Variants in POLE4 observed in about 807,000 individuals in gnomAD.
POLE4 encodes the protein DNA polymerase epsilon 4, accessory subunit.
Under a neutral mutation model 15.6 loss-of-function variants are expected in POLE4, and 15 were observed. The ratio of observed to expected loss-of-function variants is 0.96; its 90% CI spans 0.64 to 1.48. POLE4 has a LOEUF of 1.48. Among genes scored for constraint, POLE4 ranks in the 40% most tolerant of loss-of-function variants. The pLI, the probability that POLE4 is intolerant of heterozygous loss-of-function variation, is 0.00. For missense variants in POLE4, 205 were observed against 151.9 expected, an observed-to-expected ratio of 1.35 and a Z score of -1.84; for synonymous variants, 83 against 63.2, an observed-to-expected ratio of 1.31 and a Z score of -1.49.
rs1671194141 is a variant in POLE4 at position 74,960,147 on chromosome 2, G to A, written c.340+1G>A. The A allele has an allele frequency of 6.2e-7, 1 of 1,612,254 alleles. No homozygotes were observed. Among genetic ancestry groups the A allele is most frequent in the East Asian group, 2.2e-5 (1 of 44,862 alleles). On this transcript the variant is annotated splice_donor_variant, in intron 3 of 3. Transcript: ENST00000483063. LOFTEE classifies it high-confidence loss of function. ...GTGGATGAATTTGCTTTTCTGGAAGGTGAGTTCCCTCTCAGTGGGCAATCA... is the reference window on the plus strand; with the variant it reads ...GTGGATGAATTTGCTTTTCTGGAAGATGAGTTCCCTCTCAGTGGGCAATCA...
At position 74,969,530 on chromosome 2, in the gene POLE4, C is replaced by T; in HGVS notation, c.*108C>T. 3 of 959,252 alleles carry T rather than the reference C, an allele frequency of 3.1e-6. No individual in the cohort carries two copies. The highest frequency in any genetic ancestry group is 3.4e-5 in the Admixed American group (2 of 59,064). 59.4% of individuals were successfully genotyped at this position (959,252 alleles called of 1,614,324 possible). ...AGTCTTTGCACTTACACACACTCTT[C>T]CTGTTCTGCCTTCACCTATGCCGGG... On this transcript the variant is annotated 3_prime_UTR_variant, in exon 4 of 4. Coordinates refer to ENST00000483063, the MANE Select transcript of POLE4 (RefSeq NM_019896.4).
Position 74,958,869 on chromosome 2 carries a change from A to G in POLE4, c.190A>G (p.Ile64Val), listed in dbSNP as rs2103670274. The G allele has an allele frequency of 6.4e-7, 1 of 1,559,896 alleles. No homozygotes were observed. Among genetic ancestry groups the G allele is most frequent in the East Asian group, 2.4e-5 (1 of 41,388 alleles). Reference protein sequence around the residue: ...PDVTLAGQEAIFILARAAELF... With the variant: ...PDVTLAGQEAVFILARAAELF... Reference sequence around the variant, plus strand: ...CGTGACGCTAGCGGGACAGGAAGCCATCTTCATTCTGGCACGAGCCGCGGT... The same window carrying G: ...CGTGACGCTAGCGGGACAGGAAGCCGTCTTCATTCTGGCACGAGCCGCGGT... Residue 64 changes from isoleucine (I) to valine (V), a missense_variant, in exon 1 of 4, where the codon ATC becomes GTC. Transcript: ENST00000483063.
chr2:74,959,326 T>A lies in POLE4; in HGVS notation c.214-15T>A, dbSNP rs199858976. On this transcript the variant is annotated splice_polypyrimidine_tract_variant and intron_variant, in intron 1 of 3. Coordinates refer to ENST00000483063, the MANE Select transcript of POLE4 (RefSeq NM_019896.4). ...TTAGAACCCATTACTAAAACTTTGC[T>A]TTTTTACTTCACAGGAACTGTTTGT... 363 of 1,603,562 alleles carry A rather than the reference T, an allele frequency of 2.3e-4. No individual in the cohort carries two copies. The highest frequency in any genetic ancestry group is 1.8e-3 in the Middle Eastern group (11 of 6,026).
At chr2:74,961,624 A>G (rs1334615550) in intron 3 of POLE4, 1 of 152,360 alleles carries the variant, frequency 6.6e-6, no homozygotes, top group African/African-American at 2.4e-5. Context: ...GGTACTAGGA[A>G]TAGAAGTGGG....
At chr2:74,966,219 C>A (rs549908859) in intron 3 of POLE4, among the ~76,000 whole-genome samples, 1 of 152,250 alleles carries the variant, frequency 6.6e-6, no homozygotes, top group African/African-American at 2.4e-5. Context: ...TCATTCTCAA[C>A]AAATTGAGAT....
intron 3 of POLE4, among the ~76,000 whole-genome samples, chr2:74,962,089 G>A (rs1214089001): frequency 1.3e-5 from 2 of 152,018 alleles, no homozygotes; most frequent in African/African-American, 2.4e-5. Context: ...AGCTGTAGAC[G>A]GTATGTATTG....
intron 2 of POLE4, 82 bp from the exon 3 acceptor site, chr2:74,960,023 C>T: frequency 8.6e-7 from 1 of 1,160,012 alleles, no homozygotes. Context: ...AGCCTCATGC[C>T]CTTCACTGCA....
chr2:74,962,088 C>T (rs530060902), intron 3 of POLE4, among the ~76,000 whole-genome samples: 6 of 152,212 alleles, frequency 3.9e-5, no homozygotes, highest in East Asian at 3.9e-4. Context: ...CAGCTGTAGA[C>T]GGTATGTATT....
rs1671342881 is a variant in POLE4 at position 74,969,600 on chromosome 2, C to T, written c.*178C>T. Reference sequence around the variant, plus strand: ...ATTAGCTCTTCTCTGCAAGGTCTTCCACTATTTCTGTCTGTCTTCCATATC... The same window carrying T: ...ATTAGCTCTTCTCTGCAAGGTCTTCTACTATTTCTGTCTGTCTTCCATATC... On this transcript the variant is annotated 3_prime_UTR_variant, in exon 4 of 4. Transcript: ENST00000483063. 1.5e-6 allele frequency: 1 copy of T among 680,646 alleles called. No homozygotes were observed. The allele number at this position is 680,646 out of a possible 1,614,324, so 42.2% of individuals were successfully genotyped here. A position where few individuals can be genotyped will look rare whatever the true frequency, so the allele number is the denominator to read the frequency against.
At chr2:74,961,323 A>C (rs1237971304) in intron 3 of POLE4, 1 of 152,198 alleles carries the variant, frequency 6.6e-6, no homozygotes, top group Non-Finnish European at 1.5e-5. Context: ...TTAGATAGAT[A>C]GACTACCATG....
chr2:74,967,990 T>G (rs966122949), intron 3 of POLE4, among the ~76,000 whole-genome samples: 2 of 152,212 alleles, frequency 1.3e-5, no homozygotes, highest in Non-Finnish European at 2.9e-5. Flanking sequence ...TTGGGTAGAC[T>G]CAGGGATTTG....
chr2:74,959,210 A>G (rs2287102), intron 1 of POLE4, 131 bp from the exon 2 acceptor site: 181,449 of 644,458 alleles, frequency 0.28, 26,712 homozygotes, highest in Admixed American at 0.43. Context: ...GTCCAGGACA[A>G]TCTTAGCTTC....
chr2:74,958,751 C>A lies in POLE4; in HGVS notation c.72C>A (p.Ala24=). ...AGGGACCTGCTGGGGAGGCAGCGGC[C>A]TCGCAGCCCCAGGCCCCAACGAGTG... ...EEEGPAGEAA[A]SQPQAPTSVP... Residue 24 remains alanine, a synonymous_variant, in exon 1 of 4, where the codon GCC becomes GCA. Coordinates refer to ENST00000483063, the MANE Select transcript of POLE4 (RefSeq NM_019896.4). 6.5e-7 allele frequency: 1 copy of A among 1,529,256 alleles called. No homozygotes were observed. The highest frequency in any genetic ancestry group is 8.8e-7 in the Non-Finnish European group (1 of 1,138,430). 94.7% of individuals were successfully genotyped at this position (1,529,256 alleles called of 1,614,324 possible).
At chr2:74,960,410 A>C (rs1671199017) in intron 3 of POLE4, among the ~76,000 whole-genome samples, 1 of 152,238 alleles carries the variant, frequency 6.6e-6, no homozygotes, top group South Asian at 2.1e-4. Context: ...GATGAATTCG[A>C]AAGTTCGATT....
chr2:74,962,457 G>T (rs908845579), intron 3 of POLE4, among the ~76,000 whole-genome samples: 1 of 152,066 alleles, frequency 6.6e-6, no homozygotes, highest in Non-Finnish European at 1.5e-5. Flanking sequence ...TGAAAACTAG[G>T]ACTGTAAACA....
chr2:74,960,240 T>G, intron 3 of POLE4, 94 bp downstream of exon 3: 1 of 1,047,332 alleles, frequency 9.5e-7, no homozygotes, highest in Non-Finnish European at 1.5e-6. Context: ...TGCTTCTTGT[T>G]TGTGTAGGGA....
At chr2:74,960,010 C>A in intron 2 of POLE4, 95 bp from the exon 3 acceptor site, 1 of 1,027,180 alleles carries the variant, frequency 9.7e-7, no homozygotes, top group Middle Eastern at 2.1e-4. Context: ...CTCATTTGCC[C>A]AAAGCCTCAT....
intron 3 of POLE4, among the ~76,000 whole-genome samples, chr2:74,969,199 A>G (rs1671334044): frequency 6.6e-6 from 1 of 152,138 alleles, no homozygotes; most frequent in Non-Finnish European, 1.5e-5. Context: ...AGCTCTTCCG[A>G]CTAGTATGCT....
At chr2:74,962,880 A>G (rs867949495) in intron 3 of POLE4, among the ~76,000 whole-genome samples, 61 of 152,088 alleles carry the variant, frequency 4.0e-4, no homozygotes, top group African/African-American at 1.3e-3. Flanking sequence ...GTTTTGTTGA[A>G]CTCTCTGCAA....
Sources: gnomAD v4.1 joint callset for allele counts (sites outside exome capture counted in the v4.1 genomes callset) on GRCh38, gnomAD v4.1.1 for gene constraint, MANE v1.5 for transcripts, NCBI Gene and HGNC (gene_info 2026-07-23, HGNC 2026-07-21) for gene names.